Variants in SCN9A observed in about 807,000 individuals in gnomAD.
SCN9A encodes the protein sodium voltage-gated channel alpha subunit 9.
SCN9A carries 131 observed loss-of-function variants against 187.0 expected under a neutral mutation model. The ratio of observed to expected loss-of-function variants is 0.70; its 90% CI spans 0.61 to 0.81. SCN9A has a LOEUF of 0.81. Ranked by LOEUF, SCN9A falls within the 30% of genes least tolerant of loss-of-function variation. The pLI is 0.00. For synonymous variants in SCN9A, 809 were observed against 808.6 expected, an observed-to-expected ratio of 1.00 and a Z score of -0.01; for missense variants, 2,252 against 2,396.6, an observed-to-expected ratio of 0.94 and a Z score of 1.26.
intron 10 of SCN9A, 31 bp downstream of exon 10, chr2:166,288,406 C>T: frequency 1.3e-6 from 2 of 1,563,076 alleles, no homozygotes; most frequent in Non-Finnish European, 1.8e-6. Flanking sequence ...ATTTCTACCT[C>T]TAGGAAGAAT....
At chr2:166,320,883 T>C (rs901344837) in intron 1 of SCN9A, among the ~76,000 whole-genome samples, 2 of 152,184 alleles carry the variant, frequency 1.3e-5, no homozygotes, top group African/African-American at 4.8e-5. Context: ...ACTGTGGCTA[T>C]TGACCAGGGT....
chr2:166,375,947 G>T (rs561982435), upstream of SCN9A: 1 of 152,206 alleles, frequency 6.6e-6, no homozygotes, highest in Non-Finnish European at 1.5e-5. Context: ...AGCAGACTGC[G>T]CCCCTCCTGC....
intron 17 of SCN9A, among the ~76,000 whole-genome samples, chr2:166,267,622 A>G (rs1696798746): frequency 6.6e-6 from 1 of 151,938 alleles, no homozygotes; most frequent in African/African-American, 2.4e-5. Flanking sequence ...GGAATAATTT[A>G]AGAAGAATTA....
intron 1 of SCN9A, among the ~76,000 whole-genome samples, chr2:166,362,299 T>C (rs1700304325): frequency 6.6e-6 from 1 of 152,124 alleles, no homozygotes; most frequent in African/African-American, 2.4e-5. Context: ...CTGCTCTCTC[T>C]TGGAACTAAA....
chr2:166,351,902 T>G (rs1700042014), intron 1 of SCN9A, among the ~76,000 whole-genome samples: 1 of 152,166 alleles, frequency 6.6e-6, no homozygotes, highest in African/African-American at 2.4e-5. Context: ...TGCAAAATAA[T>G]GCAATGATAC....
At chr2:166,360,127 A>G (rs568467648) in intron 1 of SCN9A, among the ~76,000 whole-genome samples, 1 of 145,648 alleles carries the variant, frequency 6.9e-6, no homozygotes, top group African/African-American at 2.5e-5. Context: ...AGGCTGAGGC[A>G]GGAGAACTGC....
intron 21 of SCN9A, among the ~76,000 whole-genome samples, chr2:166,231,121 A>G (rs1252914276): frequency 6.6e-6 from 1 of 152,228 alleles, no homozygotes; most frequent in Non-Finnish European, 1.5e-5. Flanking sequence ...AAGAACAAAG[A>G]GCAAACAGAG....
chr2:166,356,777 T>C (rs1453053046), intron 1 of SCN9A, among the ~76,000 whole-genome samples: 2 of 152,186 alleles, frequency 1.3e-5, no homozygotes, highest in Non-Finnish European at 2.9e-5. Flanking sequence ...TGGAAATCTT[T>C]CTGTATCAGC....
Position 166,272,326 on chromosome 2 carries a change from T to C in SCN9A, c.3351+73A>G, listed in dbSNP as rs568296508. On this transcript the variant is annotated intron_variant, in intron 17 of 26. Coordinates refer to ENST00000642356, the MANE Select transcript of SCN9A (RefSeq NM_001365536.1). The stretch of plus-strand genomic sequence containing the variant: ...CAATGTTAAGAAGAACTTATGACAA[T>C]AGAAATATGAAATTTTCATTCATTT... 198 of 1,009,738 alleles carry C rather than the reference T, an allele frequency of 2.0e-4. 1 individual carries two copies. Among genetic ancestry groups the C allele is most frequent in the East Asian group, 3.7e-4 (14 of 37,922 alleles). 62.5% of individuals were successfully genotyped at this position (1,009,738 alleles called of 1,614,324 possible).
At chr2:166,336,902 T>C (rs1011484163) in intron 1 of SCN9A, among the ~76,000 whole-genome samples, 1 of 152,132 alleles carries the variant, frequency 6.6e-6, no homozygotes, top group Admixed American at 6.6e-5. Context: ...CTGATTATTT[T>C]CATTATTTTT....
intron 26 of SCN9A, among the ~76,000 whole-genome samples, chr2:166,201,308 C>G (rs1425172996): frequency 6.8e-6 from 1 of 146,122 alleles, no homozygotes; most frequent in East Asian, 2.0e-4. Context: ...ACTAAGTATA[C>G]GTATATACAG....
chr2:166,257,293 G>A (rs1696321203), intron 17 of SCN9A, among the ~76,000 whole-genome samples: 1 of 151,620 alleles, frequency 6.6e-6, no homozygotes, highest in South Asian at 2.1e-4. Context: ...AAGGCAAAGT[G>A]TAGATACGCA....
At chr2:166,329,505 T>A (rs1699445372) in intron 1 of SCN9A, among the ~76,000 whole-genome samples, 2 of 150,968 alleles carry the variant, frequency 1.3e-5, no homozygotes, top group Admixed American at 1.3e-4. Context: ...GTTACCATAG[T>A]AAAGGAAATT....
At chr2:166,297,220 AAAAAAAAGAACCATGACTCAG>A in intron 7 of SCN9A, among the ~76,000 whole-genome samples, 1 of 144,794 alleles carries the variant, frequency 6.9e-6, no homozygotes. Flanking sequence ...AAAAAAAAAA[AAAAAAAAGAACCATGACTCAG>A]TAATCCCACT....
intron 1 of SCN9A, among the ~76,000 whole-genome samples, chr2:166,367,823 C>A (rs1456773173): frequency 1.3e-5 from 2 of 152,160 alleles, no homozygotes; most frequent in African/African-American, 4.8e-5. Context: ...CAAACTTCCA[C>A]CAAAATCTCT....
rs199733894 is a variant in SCN9A at position 166,204,034 on chromosome 2, T to G, written c.4695A>C (p.Lys1565Asn). 2.2e-5 allele frequency: 36 copies of G among 1,609,342 alleles called. No homozygotes were observed. The highest frequency in any genetic ancestry group is 3.1e-5 in the Non-Finnish European group (36 of 1,176,208). ...IILFTGECVL[K>N]LISLRHYYFT... ...AGTAGTAGTGTCTGAGGGAGATCAGTTTTAGCACACATTCTCCAGTGAAAA... is the reference window on the plus strand; with the variant it reads ...AGTAGTAGTGTCTGAGGGAGATCAGGTTTAGCACACATTCTCCAGTGAAAA... The change falls in exon 26 of 27, where the codon AAA (lysine) becomes AAC (asparagine). Residue 1565 changes from lysine to asparagine, a missense_variant. Around this residue, in one of 7 missense-constraint regions of SCN9A, gnomAD observed 368 missense variants for 408.6 expected, o/e 0.90. Coordinates refer to ENST00000642356, the MANE Select transcript of SCN9A (RefSeq NM_001365536.1).
intron 24 of SCN9A, among the ~76,000 whole-genome samples, chr2:166,208,308 A>G (rs1693913739): frequency 6.6e-6 from 1 of 152,198 alleles, no homozygotes; most frequent in Admixed American, 6.5e-5. Flanking sequence ...TTCTTTAAGT[A>G]AAACCACCTC....
chr2:166,237,464 C>G (rs1695367308), intron 20 of SCN9A, among the ~76,000 whole-genome samples: 1 of 151,926 alleles, frequency 6.6e-6, no homozygotes, highest in South Asian at 2.1e-4. Context: ...ACTCCTCTGC[C>G]CCACTGCCAT....
chr2:166,242,675 A>ATG lies in SCN9A; in HGVS notation c.3473-21_3473-20dup. 6.5e-7 allele frequency: 1 copy of ATG among 1,528,234 alleles called. No homozygotes were observed. Among genetic ancestry groups the ATG allele is most frequent in the Non-Finnish European group, 8.8e-7 (1 of 1,132,128 alleles). 94.7% of individuals were successfully genotyped at this position (1,528,234 alleles called of 1,614,324 possible). The stretch of plus-strand genomic sequence containing the variant: ...ACACAACCTGACAAGAAAGACATGC[A>ATG]TGTTAAATCTTGATATTCAGAATAA... On this transcript the variant is annotated intron_variant, in intron 18 of 26. Coordinates refer to ENST00000642356, the MANE Select transcript of SCN9A (RefSeq NM_001365536.1).
Sources: gnomAD v4.1 joint callset for allele counts (sites outside exome capture counted in the v4.1 genomes callset) on GRCh38, gnomAD v4.1.1 for gene constraint, gnomAD v4.1.1 regional missense constraint, MANE v1.5 for transcripts, NCBI Gene and HGNC (gene_info 2026-07-23, HGNC 2026-07-21) for gene names.